The following BMPR1B variants were observed in gnomAD, a reference collection of about 807,000 sequenced individuals.
BMPR1B encodes the protein bone morphogenetic protein receptor type-1B.
In BMPR1B, 12 loss-of-function variants were observed where a neutral mutation model predicts 59.1. The ratio of observed to expected loss-of-function variants is 0.20; its 90% CI spans 0.13 to 0.33. BMPR1B has a LOEUF of 0.33. Ranked by LOEUF, BMPR1B falls within the 10% of genes least tolerant of loss-of-function variation. The probability of loss-of-function intolerance (pLI) is 1.00; values close to 1 mark genes in which losing one functional copy is unlikely to be tolerated. For synonymous variants in BMPR1B, 237 were observed against 207.3 expected (o/e 1.14, Z -1.23); for missense variants, 550 against 610.9 (o/e 0.90, Z 1.05).
chr4:94,937,298 T>C (rs1272321801), intron 2 of BMPR1B, among the ~76,000 whole-genome samples: 1 of 152,162 alleles, frequency 6.6e-6, no homozygotes, highest in Non-Finnish European at 1.5e-5. Flanking sequence ...CCTGGCAGAG[T>C]TAGGCACTTC....
At chr4:94,979,415 A>G (rs575133048) in intron 2 of BMPR1B, among the ~76,000 whole-genome samples, 6 of 152,258 alleles carry the variant, frequency 3.9e-5, no homozygotes, top group South Asian at 2.1e-4. Context: ...GTGAACTTCT[A>G]TAGTATTTAG....
In BMPR1B at chr4:94,841,326, C is replaced by G. The variant is rs371952817; in HGVS notation, c.-182-34505C>G. 5.4e-5 allele frequency among the ~76,000 whole-genome samples: 8 copies of G among 148,558 alleles called. 2 individuals are homozygous for G. The South Asian group carries it at 1.3e-3, about 24-fold the overall frequency. ...TTCCTGGCTGCTTTGTTTACCTAAG[C>G]AAGCCTGGGCAATGGCGGGCGCCCC... On this transcript the variant is annotated intron_variant, in intron 1 of 12. Coordinates refer to ENST00000515059, the MANE Select transcript of BMPR1B (RefSeq NM_001203.3).
intron 1 of BMPR1B, among the ~76,000 whole-genome samples, chr4:94,837,291 G>T (rs1158017524): frequency 6.7e-6 from 1 of 149,548 alleles, no homozygotes; most frequent in Non-Finnish European, 1.5e-5. Context: ...TTCCATTTCT[G>T]TGAAGAAAGG....
At chr4:95,136,328 T>A (rs976422190) in intron 10 of BMPR1B, among the ~76,000 whole-genome samples, 9 of 152,186 alleles carry the variant, frequency 5.9e-5, no homozygotes, top group Non-Finnish European at 8.8e-5. Context: ...TTATTGAGGA[T>A]TTTTGCATCG....
chr4:94,864,039 G>A (rs1262364153), intron 1 of BMPR1B, among the ~76,000 whole-genome samples: 1 of 152,138 alleles, frequency 6.6e-6, no homozygotes, highest in African/African-American at 2.4e-5. Flanking sequence ...ATTTTAAATT[G>A]TTCCTTTATT....
chr4:95,036,670 T>C (rs996049288), intron 3 of BMPR1B, among the ~76,000 whole-genome samples: 1 of 151,590 alleles, frequency 6.6e-6, no homozygotes, highest in Non-Finnish European at 1.5e-5. Flanking sequence ...GTAATAAACA[T>C]GGGCGTGCAG....
intron 3 of BMPR1B, among the ~76,000 whole-genome samples, chr4:95,096,637 C>A (rs1465909314): frequency 6.7e-6 from 1 of 149,012 alleles, no homozygotes; most frequent in Non-Finnish European, 1.5e-5. Flanking sequence ...GAGTGGCTTC[C>A]AAAAGCCTTA....
At chr4:94,946,528 T>C (rs1180242151) in intron 2 of BMPR1B, among the ~76,000 whole-genome samples, 1 of 152,190 alleles carries the variant, frequency 6.6e-6, no homozygotes, top group East Asian at 1.9e-4. Flanking sequence ...AGGATCAGAT[T>C]TGAAATAAGC....
intron 3 of BMPR1B, among the ~76,000 whole-genome samples, chr4:95,026,114 CTTTCT>C (rs1553928478): frequency 4.9e-5 from 7 of 142,506 alleles, no homozygotes; most frequent in African/African-American, 8.1e-5. Flanking sequence ...TTCTTTCTTT[CTTTCT>C]TTCTTTCTTT....
At chr4:94,871,532 C>A (rs1338230134) in intron 1 of BMPR1B, among the ~76,000 whole-genome samples, 6 of 152,126 alleles carry the variant, frequency 3.9e-5, no homozygotes, top group African/African-American at 9.7e-5. Flanking sequence ...CCCCTCCCCC[C>A]ACATATTCCA....
chr4:94,832,611 C>G (rs918616655), intron 1 of BMPR1B, among the ~76,000 whole-genome samples: 1 of 151,816 alleles, frequency 6.6e-6, no homozygotes, highest in Non-Finnish European at 1.5e-5. Context: ...GGTAAAACAC[C>G]GTCTCTACTA....
chr4:94,961,389 A>G (rs1414778901), intron 2 of BMPR1B, among the ~76,000 whole-genome samples: 1 of 152,164 alleles, frequency 6.6e-6, no homozygotes, highest in African/African-American at 2.4e-5. Flanking sequence ...TTCTTTATAG[A>G]AAATGTTTGC....
intron 1 of BMPR1B, among the ~76,000 whole-genome samples, chr4:94,837,208 G>C (rs1266340466): frequency 4.7e-5 from 7 of 147,970 alleles, no homozygotes; most frequent in Non-Finnish European, 1.1e-4. Context: ...CTCCAGCTTT[G>C]TTCTTTTGGC....
At chr4:94,943,143 A>ATT (rs35195946) in intron 2 of BMPR1B, among the ~76,000 whole-genome samples, 2 of 142,192 alleles carry the variant, frequency 1.4e-5, no homozygotes, top group African/African-American at 2.6e-5. Context: ...TCCACTCACT[A>ATT]TTTTTTTTTT....
intron 3 of BMPR1B, among the ~76,000 whole-genome samples, chr4:95,050,663 T>C (rs1726435407): frequency 6.6e-6 from 1 of 152,208 alleles, no homozygotes; most frequent in African/African-American, 2.4e-5. Flanking sequence ...CATATGATGA[T>C]GATATCTTAG....
intron 3 of BMPR1B, among the ~76,000 whole-genome samples, chr4:95,061,408 T>C (rs1311035606): frequency 6.6e-6 from 1 of 152,132 alleles, no homozygotes; most frequent in African/African-American, 2.4e-5. Context: ...CTGTGAACCT[T>C]GAAAAGGAAT....
chr4:94,871,612 AT>A (rs1726500983), intron 1 of BMPR1B, among the ~76,000 whole-genome samples: 1 of 152,224 alleles, frequency 6.6e-6, no homozygotes, highest in Non-Finnish European at 1.5e-5. Context: ...GGACTCTAGA[AT>A]TTAATAATTA....
At chr4:94,997,775 A>G (rs1452490745) in intron 3 of BMPR1B, among the ~76,000 whole-genome samples, 3 of 152,126 alleles carry the variant, frequency 2.0e-5, no homozygotes, top group Non-Finnish European at 2.9e-5. Context: ...TCATCAATCA[A>G]TTTTTATTTG....
intron 1 of BMPR1B, among the ~76,000 whole-genome samples, chr4:94,786,875 G>T (rs549039632): frequency 6.6e-6 from 1 of 152,056 alleles, no homozygotes; most frequent in Admixed American, 6.5e-5. Context: ...TTTTTGTAGA[G>T]GTAGGGTTAT....
Sources: gnomAD v4.1 joint callset for allele counts (sites outside exome capture counted in the v4.1 genomes callset) on GRCh38, gnomAD v4.1.1 for gene constraint, MANE v1.5 for transcripts, NCBI Gene and HGNC (gene_info 2026-07-23, HGNC 2026-07-21) for gene names.